Variants in MACIR observed in about 807,000 individuals in gnomAD.
The protein encoded by MACIR is macrophage immunometabolism regulator, also known as UNC119-binding protein C5orf30.
A neutral mutation model predicts 14.3 loss-of-function variants in MACIR; 4 were observed. The observed-to-expected ratio is 0.28, with a 90% CI of 0.14 to 0.64. MACIR has a LOEUF of 0.64. Among genes scored for constraint, MACIR ranks in the 30% least tolerant of loss-of-function variants. The pLI, the probability that MACIR is intolerant of heterozygous loss-of-function variation, is 0.83. For synonymous variants in MACIR, 101 were observed against 102.4 expected, an observed-to-expected ratio of 0.99 and a Z score of 0.08; for missense variants, 228 against 257.6, an observed-to-expected ratio of 0.89 and a Z score of 0.79.
intron 2 of MACIR, among the ~76,000 whole-genome samples, chr5:103,271,968 T>C (rs1805146507): frequency 6.6e-6 from 1 of 152,208 alleles, no homozygotes; most frequent in Admixed American, 6.5e-5. Flanking sequence ...CAGTTGGCAT[T>C]AGACCTGATT....
upstream of MACIR, among the ~76,000 whole-genome samples, chr5:103,258,501 C>T (rs1428915236): frequency 2.0e-5 from 3 of 152,088 alleles, no homozygotes; most frequent in African/African-American, 7.2e-5. Flanking sequence ...GTTGCGACTC[C>T]TCCTCCCCAC....
chr5:103,270,454 G>C (rs1554237036), intron 2 of MACIR, among the ~76,000 whole-genome samples: 1 of 152,100 alleles, frequency 6.6e-6, no homozygotes, highest in Admixed American at 6.6e-5. Flanking sequence ...AGATATGTCC[G>C]GCATTGGTAG....
chr5:103,260,180 A>T (rs1804626623), intron 1 of MACIR, among the ~76,000 whole-genome samples: 1 of 151,426 alleles, frequency 6.6e-6, no homozygotes, highest in Non-Finnish European at 1.5e-5. Flanking sequence ...TAGCTGAAAG[A>T]ACAATTCTTG....
chr5:103,262,220 G>A (rs1258559650), intron 1 of MACIR, among the ~76,000 whole-genome samples: 1 of 152,102 alleles, frequency 6.6e-6, no homozygotes, highest in Non-Finnish European at 1.5e-5. Context: ...ACCAGTGCCT[G>A]CATAGTGTGG....
chr5:103,260,916 A>T (rs143403618), intron 1 of MACIR, among the ~76,000 whole-genome samples: 1 of 152,324 alleles, frequency 6.6e-6, no homozygotes, highest in Non-Finnish European at 1.5e-5. Context: ...TCCACAGTGT[A>T]CACCTGTTCC....
chr5:103,275,391 G>T (rs1166751474), intron 2 of MACIR, among the ~76,000 whole-genome samples: 2 of 152,156 alleles, frequency 1.3e-5, no homozygotes, highest in African/African-American at 4.8e-5. Context: ...TTTATTATAT[G>T]TTCCTTAAAG....
At chr5:103,262,533 G>A (rs1804764885) in intron 1 of MACIR, among the ~76,000 whole-genome samples, 2 of 152,130 alleles carry the variant, frequency 1.3e-5, no homozygotes, top group African/African-American at 4.8e-5. Flanking sequence ...TTATTTACCT[G>A]TGATAATAAC....
Position 103,276,193 on chromosome 5 carries a change from C to G in MACIR, c.274C>G (p.Arg92Gly). Reference sequence around the variant, plus strand: ...CAAAGCAGAAGCCATGCCATCCTTACGCTCCAAACAGCTAGATGCAGGACT... The same window carrying G: ...CAAAGCAGAAGCCATGCCATCCTTAGGCTCCAAACAGCTAGATGCAGGACT... ...ESKAEAMPSLRSKQLDAGLAR... is the reference protein window; with the variant it reads ...ESKAEAMPSLGSKQLDAGLAR... Residue 92 changes from arginine to glycine, a missense_variant, in exon 3 of 3, where the codon CGC becomes GGC. Physicochemically the swap from Arg to Gly is moderately radical, Grantham distance 125. Coordinates refer to ENST00000319933, the MANE Select transcript of MACIR (RefSeq NM_033211.4). 1 of 1,613,730 alleles carries G rather than the reference C, an allele frequency of 6.2e-7. No homozygotes were observed. Among genetic ancestry groups the G allele is most frequent in the Non-Finnish European group, 8.5e-7 (1 of 1,179,940 alleles).
At chr5:103,267,412 CA>C (rs1298702074) in intron 2 of MACIR, among the ~76,000 whole-genome samples, 1 of 151,890 alleles carries the variant, frequency 6.6e-6, no homozygotes, top group Non-Finnish European at 1.5e-5. Flanking sequence ...TTTGCTTTTT[CA>C]AATATTTTCT....
In MACIR at chr5:103,277,432, A is replaced by G. The variant is rs1805378168; in HGVS notation, c.*892A>G. On this transcript the variant is annotated 3_prime_UTR_variant, in exon 3 of 3. Transcript: ENST00000319933. ...TACTGTTTGCATCTGAATTTTCTGT[A>G]AGTGAATAATAGTTTAATAGAGGAA... 1 of 167,074 alleles carries G rather than the reference A, an allele frequency of 6.0e-6. No homozygotes were observed. The highest frequency in any genetic ancestry group is 1.5e-5 in the Non-Finnish European group (1 of 68,108). 10.3% of individuals were successfully genotyped at this position (167,074 alleles called of 1,614,324 possible).
chr5:103,276,369 T>G lies in MACIR; in HGVS notation c.450T>G (p.His150Gln). Residue 150 changes from histidine to glutamine, a missense_variant, in exon 3 of 3, where the codon CAT becomes CAG. Physicochemically the swap from His to Gln is conservative, Grantham distance 24. Coordinates refer to ENST00000319933, the MANE Select transcript of MACIR (RefSeq NM_033211.4). ...SLPYEPYKAL[H>Q]GPLPLCLLKG... is the part of the protein sequence containing the mutation. ...CTTATGAACCTTACAAGGCCCTCCA[T>G]GGGCCTCTGCCTCTTTGTCTTCTTA... The G allele has an allele frequency of 6.2e-7, 1 of 1,613,522 alleles. No individual in the cohort carries two copies. Among genetic ancestry groups the G allele is most frequent in the African/African-American group, 1.3e-5 (1 of 74,872 alleles).
At chr5:103,261,145 A>G (rs1432952662) in intron 1 of MACIR, among the ~76,000 whole-genome samples, 5 of 152,250 alleles carry the variant, frequency 3.3e-5, no homozygotes, top group Admixed American at 1.3e-4. Context: ...GTGGATTGCT[A>G]TTAAAAGAAC....
chr5:103,264,020 C>T (rs539539692), intron 1 of MACIR, among the ~76,000 whole-genome samples: 118 of 152,196 alleles, frequency 7.8e-4, no homozygotes, highest in African/African-American at 2.7e-3. Context: ...AAGTAGTTCC[C>T]CCAACCATTT....
At position 103,276,110 on chromosome 5, in the gene MACIR, T is replaced by A. The variant is rs1554237660; in HGVS notation, c.191T>A (p.Phe64Tyr). ...ATGGACTCTAACTATTTGGTTGGCT[T>A]CACGACTGGCGAGGAACTCCTGAAG... ...LHMDSNYLVG[F>Y]TTGEELLKLA... Residue 64 changes from phenylalanine (F) to tyrosine (Y), a missense_variant, in exon 3 of 3, where the codon TTC becomes TAC. Transcript: ENST00000319933. 5 of 1,613,970 alleles carry A rather than the reference T, an allele frequency of 3.1e-6. No homozygotes were observed. In the Admixed American group the frequency reaches 8.3e-5, roughly 27 times the overall value.
rs1047489440 is a variant in MACIR, at chr5:103,273,314, C to T, written c.-23-2583C>T. ...GTCTACCAGGTTGATGTGTGAAGAT[C>T]CTGTTTGGATTGTTCTCTTCCCAAG... On this transcript the variant is annotated intron_variant, in intron 2 of 2. Coordinates refer to ENST00000319933, the MANE Select transcript of MACIR (RefSeq NM_033211.4). Among the ~76,000 whole-genome samples, 9 of 151,812 alleles carry T rather than the reference C, an allele frequency of 5.9e-5. No individual in the cohort carries two copies. The Middle Eastern group carries it at 0.01, about 172-fold the overall frequency.
Position 103,276,498 on chromosome 5 carries a change from A to T in MACIR, c.579A>T (p.Leu193=), listed in dbSNP as rs1554237755. 1 of 1,613,642 alleles carries T rather than the reference A, an allele frequency of 6.2e-7. No homozygotes were observed. Among genetic ancestry groups the T allele is most frequent in the Admixed American group, 1.7e-5 (1 of 59,932 alleles). The change falls in exon 3 of 3, where the codon CTA becomes CTT. Residue 193 remains leucine (L), a synonymous_variant. Transcript: ENST00000319933. Reference sequence around the variant, plus strand: ...TGCTACAGTACCAGCTTCAACACCTAACCCTCCGAGGGGACCGTGTGTTTG... The same window carrying T: ...TGCTACAGTACCAGCTTCAACACCTTACCCTCCGAGGGGACCGTGTGTTTG... ...TEVLQYQLQH[L]TLRGDRVFAR... is the part of the protein sequence containing the mutation.
chr5:103,260,141 G>T (rs781962930), intron 1 of MACIR, among the ~76,000 whole-genome samples: 5 of 151,926 alleles, frequency 3.3e-5, no homozygotes, highest in Non-Finnish European at 5.9e-5. Flanking sequence ...AGGAAGAATG[G>T]AGGCATTTTA....
chr5:103,264,739 C>T (rs1007701506), intron 1 of MACIR, among the ~76,000 whole-genome samples: 3 of 152,078 alleles, frequency 2.0e-5, no homozygotes, highest in Non-Finnish European at 4.4e-5. Flanking sequence ...TGCATTGGCT[C>T]CTTCCAGTTT....
At chr5:103,262,836 C>CT (rs1236705532) in intron 1 of MACIR, among the ~76,000 whole-genome samples, 4 of 152,136 alleles carry the variant, frequency 2.6e-5, no homozygotes, top group African/African-American at 7.2e-5. Flanking sequence ...AGCATTTAGT[C>CT]TATCTTCTAA....
Sources: allele counts gnomAD v4.1 joint callset (sites outside exome capture counted in the v4.1 genomes callset), GRCh38; gene constraint gnomAD v4.1.1; transcripts MANE v1.5; gene names NCBI Gene and HGNC (gene_info 2026-07-23, HGNC 2026-07-21).